The following SGCZ variants were observed in gnomAD, a reference collection of about 807,000 sequenced individuals.
SGCZ encodes the protein sarcoglycan zeta.
SGCZ carries 40 observed loss-of-function variants against 41.3 expected under a neutral mutation model. That is an observed-to-expected ratio of 0.97 (90% CI 0.75 to 1.26). The LOEUF (loss-of-function observed/expected upper bound fraction) is 1.26, where lower values mean the gene tolerates loss of function less well. SGCZ is among the 50% of genes most tolerant of loss of function. The pLI is 0.00. For missense variants in SGCZ, 552 were observed against 369.8 expected, an observed-to-expected ratio of 1.49 and a Z score of -4.04; for synonymous variants, 206 against 137.5, an observed-to-expected ratio of 1.50 and a Z score of -3.49.
intron 5 of SGCZ, among the ~76,000 whole-genome samples, chr8:14,129,466 C>T (rs1802968641): frequency 6.7e-6 from 1 of 150,286 alleles, no homozygotes; most frequent in Non-Finnish European, 1.5e-5. Flanking sequence ...AAACAATAGC[C>T]TCTTAACCAA....
intron 4 of SGCZ, among the ~76,000 whole-genome samples, chr8:14,215,826 T>C (rs985368214): frequency 6.6e-6 from 1 of 152,192 alleles, no homozygotes; most frequent in Admixed American, 6.5e-5. Context: ...TAAGAGTGTG[T>C]AATTAAAAAT....
At chr8:14,712,808 T>C (rs980592136) in intron 1 of SGCZ, among the ~76,000 whole-genome samples, 1 of 152,146 alleles carries the variant, frequency 6.6e-6, no homozygotes, top group Non-Finnish European at 1.5e-5. Context: ...TATGTCCTTA[T>C]TTTTTCTTCT....
At chr8:14,346,101 C>G (rs1488227407) in intron 2 of SGCZ, among the ~76,000 whole-genome samples, 1 of 152,026 alleles carries the variant, frequency 6.6e-6, no homozygotes, top group South Asian at 2.1e-4. Context: ...AATTATATGT[C>G]AATATCGGCT....
At chr8:14,111,030 G>A (rs1291528166) in intron 5 of SGCZ, among the ~76,000 whole-genome samples, 2 of 151,158 alleles carry the variant, frequency 1.3e-5, no homozygotes, top group Non-Finnish European at 2.9e-5. Flanking sequence ...TTCTAGCCTG[G>A]GCAACAAACG....
chr8:15,224,786 A>C (rs577813301), intron 1 of SGCZ, among the ~76,000 whole-genome samples: 1 of 152,314 alleles, frequency 6.6e-6, no homozygotes, highest in Non-Finnish European at 1.5e-5. Context: ...TGCTATAGTG[A>C]TATTCGTAAA....
intron 2 of SGCZ, among the ~76,000 whole-genome samples, chr8:14,365,164 T>A (rs991151372): frequency 3.3e-5 from 5 of 152,044 alleles, no homozygotes; most frequent in Admixed American, 6.6e-5. Flanking sequence ...GTACATCCCT[T>A]TTTGATTTTT....
At chr8:14,640,637 C>CAT (rs1563172271) in intron 1 of SGCZ, among the ~76,000 whole-genome samples, 1 of 125,960 alleles carries the variant, frequency 7.9e-6, no homozygotes, top group African/African-American at 3.2e-5. Context: ...TATGTGCAAA[C>CAT]ATATATATAG....
chr8:14,931,958 C>T (rs1418695812), intron 1 of SGCZ, among the ~76,000 whole-genome samples: 2 of 151,816 alleles, frequency 1.3e-5, no homozygotes, highest in Non-Finnish European at 2.9e-5. Context: ...ATGGAGACAG[C>T]TCGCATAATG....
At position 14,626,480 on chromosome 8, in the gene SGCZ, G is replaced by A. The variant is rs560348612; in HGVS notation, c.40-71554C>T. Among the ~76,000 whole-genome samples, 5 of 152,058 alleles carry A rather than the reference G, an allele frequency of 3.3e-5. No individual in the cohort carries two copies. In the East Asian group the frequency reaches 9.7e-4, roughly 29 times the overall value. On this transcript the variant is annotated intron_variant, in intron 1 of 7. Transcript: ENST00000382080. ...ACTTTGTCTCTTCTAAATTCATCTG[G>A]TGAAGTTCTAAACCCTAGTTCTTCA...
chr8:14,100,681 A>G (rs1171685615), intron 7 of SGCZ, among the ~76,000 whole-genome samples: 1 of 150,474 alleles, frequency 6.6e-6, no homozygotes, highest in East Asian at 1.9e-4. Context: ...ATATCTGCTA[A>G]CACTCTAATA....
intron 1 of SGCZ, among the ~76,000 whole-genome samples, chr8:14,688,049 T>G (rs1808675239): frequency 6.6e-6 from 1 of 152,170 alleles, no homozygotes; most frequent in South Asian, 2.1e-4. Flanking sequence ...GTTGTTTGTT[T>G]TTTCTTGTAA....
At chr8:15,025,713 G>A (rs1803429894) in intron 1 of SGCZ, among the ~76,000 whole-genome samples, 1 of 152,128 alleles carries the variant, frequency 6.6e-6, no homozygotes, top group South Asian at 2.1e-4. Context: ...TATGGAGAGA[G>A]AAAATTAGTC....
intron 3 of SGCZ, among the ~76,000 whole-genome samples, chr8:14,269,768 T>C (rs80350989): frequency 0.034 from 5,147 of 152,220 alleles, 109 homozygotes; most frequent in African/African-American, 0.059. Context: ...TGTCAACTGA[T>C]TGGGGACACT....
At chr8:15,006,613 T>A (rs1040949081) in intron 1 of SGCZ, among the ~76,000 whole-genome samples, 8 of 152,178 alleles carry the variant, frequency 5.3e-5, no homozygotes, top group African/African-American at 1.9e-4. Context: ...TAAGAGTTAA[T>A]AAATTTACAT....
At position 14,088,346 on chromosome 8, in the gene SGCZ, G is replaced by T. The variant is rs1389985203; in HGVS notation, c.*2097C>A. ...AAACAGGGCCAGTTCCTAATCAAAA[G>T]AATTATTCCCATTTGACTTAGAAAG... On this transcript the variant is annotated 3_prime_UTR_variant, in exon 8 of 8. Transcript: ENST00000382080. 6.6e-6 allele frequency among the ~76,000 whole-genome samples: 1 copy of T among 151,736 alleles called. No homozygotes were observed. The highest frequency in any genetic ancestry group is 1.5e-5 in the Non-Finnish European group (1 of 67,816).
chr8:14,558,019 T>G (rs1334508017), intron 1 of SGCZ, among the ~76,000 whole-genome samples: 1 of 152,128 alleles, frequency 6.6e-6, no homozygotes, highest in African/African-American at 2.4e-5. Context: ...CAGAAGATCA[T>G]TTAAGGCTAC....
At chr8:14,872,597 G>A (rs557412603) in intron 1 of SGCZ, among the ~76,000 whole-genome samples, 23 of 152,058 alleles carry the variant, frequency 1.5e-4, no homozygotes, top group Non-Finnish European at 3.1e-4. Context: ...AAAATTGATA[G>A]GAAGTTCTTT....
At chr8:14,218,745 C>G (rs1422655575) in intron 4 of SGCZ, among the ~76,000 whole-genome samples, 1 of 152,098 alleles carries the variant, frequency 6.6e-6, no homozygotes, top group Admixed American at 6.5e-5. Context: ...CAAAATGTGT[C>G]GTAAAGCAGC....
intron 1 of SGCZ, among the ~76,000 whole-genome samples, chr8:14,758,752 T>C (rs1262331677): frequency 6.6e-6 from 1 of 152,190 alleles, no homozygotes; most frequent in African/African-American, 2.4e-5. Context: ...CTCACGCCTA[T>C]AATTCCAGCA....
Sources: allele counts gnomAD v4.1 joint callset (sites outside exome capture counted in the v4.1 genomes callset), GRCh38; gene constraint gnomAD v4.1.1; transcripts MANE v1.5; gene names NCBI Gene and HGNC (gene_info 2026-07-23, HGNC 2026-07-21).